Variants in HNRNPA1L2 observed in about 807,000 individuals in gnomAD.
The protein encoded by HNRNPA1L2 is heterogeneous nuclear ribonucleoprotein A1-like 2.
A neutral mutation model predicts 18.2 loss-of-function variants in HNRNPA1L2; 10 were observed. The observed-to-expected ratio is 0.55, with a 90% CI of 0.34 to 0.93. The LOEUF is 0.93. HNRNPA1L2 is among the 40% of genes least tolerant of loss of function. The probability of loss-of-function intolerance (pLI) is 0.02; values close to 1 mark genes in which losing one functional copy is unlikely to be tolerated. For synonymous variants in HNRNPA1L2, 124 were observed against 138.6 expected (o/e 0.89, Z 0.74); for missense variants, 308 against 394.4 (o/e 0.78, Z 1.85).
chr13:52,626,407 A>G, the HNRNPA1L2 span, among the ~76,000 whole-genome samples: 1 of 150,378 alleles, frequency 6.6e-6, no homozygotes, highest in Non-Finnish European at 1.5e-5. Flanking sequence ...ACTTCACGAC[A>G]TACTGAGATC....
chr13:52,621,277 G>T, the HNRNPA1L2 span, among the ~76,000 whole-genome samples: 1 of 152,124 alleles, frequency 6.6e-6, no homozygotes, highest in Admixed American at 6.6e-5. Context: ...TATAGCCATC[G>T]ATTATTTTCT....
the HNRNPA1L2 span, among the ~76,000 whole-genome samples, chr13:52,628,652 CTT>C: frequency 0.062 from 9,361 of 152,162 alleles, 332 homozygotes; most frequent in African/African-American, 0.095. Flanking sequence ...TCATGTGACA[CTT>C]TTATGTTTGA....
chr13:52,620,249 G>A, the HNRNPA1L2 span, among the ~76,000 whole-genome samples: 1 of 152,142 alleles, frequency 6.6e-6, no homozygotes, highest in African/African-American at 2.4e-5. Flanking sequence ...AAGCACCTGG[G>A]TCTTATTTAA....
the HNRNPA1L2 span, chr13:52,617,532 C>G: frequency 2.4e-6 from 1 of 415,388 alleles, no homozygotes; most frequent in Admixed American, 4.4e-5. Flanking sequence ...TTCAGTTGCT[C>G]TCCTGGATGG....
At chr13:52,633,493 G>A in the HNRNPA1L2 span, among the ~76,000 whole-genome samples, 1 of 152,180 alleles carries the variant, frequency 6.6e-6, no homozygotes, top group Admixed American at 6.5e-5. Context: ...GGTCTCCAGA[G>A]TGTAAGTGAT....
chr13:52,622,178 CA>C, the HNRNPA1L2 span: 1 of 161,934 alleles, frequency 6.2e-6, no homozygotes, highest in African/African-American at 2.4e-5. Flanking sequence ...AGTAAATGTA[CA>C]AACAACAAAG....
upstream of HNRNPA1L2, chr13:52,641,140 C>T (rs1315362476): frequency 6.6e-6 from 1 of 152,342 alleles, no homozygotes; most frequent in South Asian, 2.1e-4. Flanking sequence ...CTGAATAAGA[C>T]ATGGCTGTCA....
At chr13:52,619,978 T>A in the HNRNPA1L2 span, among the ~76,000 whole-genome samples, 1 of 150,492 alleles carries the variant, frequency 6.6e-6, no homozygotes, top group African/African-American at 2.4e-5. Context: ...GTACCATATA[T>A]TGAATATTAT....
the HNRNPA1L2 span, among the ~76,000 whole-genome samples, chr13:52,622,498 G>A: frequency 2.0e-5 from 3 of 152,178 alleles, no homozygotes; most frequent in African/African-American, 7.2e-5. Flanking sequence ...GAAAGGAAGA[G>A]AGAAGTGATC....
At chr13:52,635,698 AT>A in the HNRNPA1L2 span, among the ~76,000 whole-genome samples, 1 of 152,122 alleles carries the variant, frequency 6.6e-6, no homozygotes, top group Non-Finnish European at 1.5e-5. Context: ...CATAAATGAA[AT>A]CACACAGTAC....
At chr13:52,626,701 T>A in the HNRNPA1L2 span, among the ~76,000 whole-genome samples, 1 of 152,116 alleles carries the variant, frequency 6.6e-6, no homozygotes, top group African/African-American at 2.4e-5. Flanking sequence ...TGATGGCTTT[T>A]TTTTTTCAGG....
At chr13:52,623,096 A>G in the HNRNPA1L2 span, among the ~76,000 whole-genome samples, 838 of 152,292 alleles carry the variant, frequency 5.5e-3, 2 homozygotes, top group African/African-American at 0.018. Context: ...TCAGACAATC[A>G]GTACCCATAA....
the HNRNPA1L2 span, among the ~76,000 whole-genome samples, chr13:52,635,196 G>A: frequency 6.6e-6 from 1 of 152,122 alleles, no homozygotes; most frequent in Non-Finnish European, 1.5e-5. Flanking sequence ...AAGGCTCATA[G>A]AAACCGATTC....
the HNRNPA1L2 span, among the ~76,000 whole-genome samples, chr13:52,631,995 C>CT: frequency 6.6e-6 from 1 of 151,564 alleles, no homozygotes; most frequent in South Asian, 2.1e-4. Context: ...AGTGTTGACT[C>CT]TTTTTAACAG....
rs564802439 is a variant in HNRNPA1L2, at chr13:52,642,688, G to A, written c.196G>A (p.Glu66Lys). Residue 66 changes from glutamate (E) to lysine (K), a missense_variant, in exon 1 of 1, where the codon GAG (glutamate) becomes AAG (lysine). Physicochemically the swap from Glu to Lys is moderately conservative, Grantham distance 56 (BLOSUM62 1). Coordinates refer to ENST00000357495, the MANE Select transcript of HNRNPA1L2 (RefSeq NM_001389320.1). ...GFGFVTYATV[E>K]EVDAAMNTTP... ...TGGGTTTGTCACATATGCCACTGTG[G>A]AGGAGGTGGATGCAGCTATGAATAC... The A allele has an allele frequency of 1.2e-6, 2 of 1,608,710 alleles. No homozygotes were observed. The highest frequency in any genetic ancestry group is 1.7e-5 in the Admixed American group (1 of 60,006).
the HNRNPA1L2 span, among the ~76,000 whole-genome samples, chr13:52,635,464 T>C: frequency 6.6e-6 from 1 of 152,150 alleles, no homozygotes; most frequent in Non-Finnish European, 1.5e-5. Context: ...AGGTATAATT[T>C]GTGTGCAAGG....
At chr13:52,637,247 AT>A in the HNRNPA1L2 span, 1 of 159,900 alleles carries the variant, frequency 6.3e-6, no homozygotes. Context: ...TGGTTATAAC[AT>A]TTTTTAAAAA....
At chr13:52,628,982 T>A in the HNRNPA1L2 span, among the ~76,000 whole-genome samples, 1 of 152,150 alleles carries the variant, frequency 6.6e-6, no homozygotes, top group Admixed American at 6.5e-5. Context: ...TTCAAGCGAT[T>A]CTCCTGCCTC....
the HNRNPA1L2 span, among the ~76,000 whole-genome samples, chr13:52,627,734 A>G: frequency 1.3e-5 from 2 of 152,210 alleles, no homozygotes; most frequent in Non-Finnish European, 2.9e-5. Context: ...CAAGTTTTTA[A>G]AAAACTTATG....
Sources: gnomAD v4.1 joint callset for allele counts (sites outside exome capture counted in the v4.1 genomes callset) on GRCh38, gnomAD v4.1.1 for gene constraint, MANE v1.5 for transcripts, NCBI Gene and HGNC (gene_info 2026-07-23, HGNC 2026-07-21) for gene names.